The following NCOR2 variants were observed in gnomAD, a reference collection of about 807,000 sequenced individuals.
The protein encoded by NCOR2 is CTG repeat protein 26.
Under a neutral mutation model 262.9 loss-of-function variants are expected in NCOR2, and 81 were observed. That is an observed-to-expected ratio of 0.31 (90% confidence interval 0.26 to 0.37). The LOEUF is 0.37. NCOR2 is among the 10% of genes least tolerant of loss of function. The pLI, the probability that NCOR2 is intolerant of heterozygous loss-of-function variation, is 1.00. For synonymous variants in NCOR2, 1,659 were observed against 1,559.3 expected, an observed-to-expected ratio of 1.06 and a Z score of -1.51; for missense variants, 3,385 against 3,621.4, an observed-to-expected ratio of 0.93 and a Z score of 1.68.
intron 17 of NCOR2, among the ~76,000 whole-genome samples, chr12:124,382,013 C>T (rs1404308047): frequency 1.3e-5 from 2 of 152,200 alleles, no homozygotes; most frequent in Non-Finnish European, 2.9e-5. Flanking sequence ...GGAGGGGACA[C>T]CCACTGACCC....
At chr12:124,469,274 G>T (rs1220648462) in intron 4 of NCOR2, among the ~76,000 whole-genome samples, 1 of 152,110 alleles carries the variant, frequency 6.6e-6, no homozygotes, top group East Asian at 1.9e-4. Context: ...ACCCAGAAAG[G>T]TGCCCAAGAA....
rs201715042 is a variant in NCOR2, at chr12:124,400,624, C to T, written c.1690G>A (p.Val564Met). 3.3e-4 allele frequency: 539 copies of T among 1,614,064 alleles called. No homozygotes were observed. Among genetic ancestry groups the T allele is most frequent in the Non-Finnish European group, 4.2e-4 (495 of 1,180,056 alleles). ...GCAGTTTTGCGGCCTTTGGAGGCCA[C>T]AGCCTCCTTCTCGTCGTTGTCCTCC... The change falls in exon 15 of 47, where the codon GTG becomes ATG. Residue 564 changes from valine to methionine, a missense_variant. Physicochemically the swap from Val to Met is conservative, Grantham distance 21. Coordinates refer to ENST00000405201, the Ensembl canonical transcript of NCOR2.
At chr12:124,333,433 A>G (rs766217367) in intron 41 of NCOR2, among the ~76,000 whole-genome samples, 154 bp from the exon 44 acceptor site, 21 of 152,150 alleles carry the variant, frequency 1.4e-4, no homozygotes, top group Non-Finnish European at 2.6e-4. Context: ...AATCTCTGGC[A>G]TGTATCGTTA....
At chr12:124,462,673 C>A (rs925763301) in intron 5 of NCOR2, among the ~76,000 whole-genome samples, 1 of 152,352 alleles carries the variant, frequency 6.6e-6, no homozygotes, top group African/African-American at 2.4e-5. Flanking sequence ...GGGTCTGAAG[C>A]ACTGCTCTGA....
intron 8 of NCOR2, among the ~76,000 whole-genome samples, chr12:124,433,517 G>T (rs2044105472): frequency 6.6e-6 from 1 of 152,208 alleles, no homozygotes; most frequent in Non-Finnish European, 1.5e-5. Flanking sequence ...CCCTCGTGGA[G>T]TGCACGGGTG....
chr12:124,355,783 C>T (rs1438263872), intron 23 of NCOR2, among the ~76,000 whole-genome samples: 2 of 152,166 alleles, frequency 1.3e-5, no homozygotes, highest in African/African-American at 4.8e-5. Context: ...CCCACCTCAC[C>T]CACTGCCCAG....
intron 4 of NCOR2, among the ~76,000 whole-genome samples, chr12:124,468,345 A>C (rs1440719241): frequency 2.5e-4 from 8 of 31,594 alleles, no homozygotes; most frequent in South Asian, 1.7e-3. Flanking sequence ...CATCCTCCTC[A>C]CCCCCATCAT....
rs1407314559 is a variant in NCOR2, at chr12:124,517,278, A to G, written c.-118+18287T>C. On this transcript the variant is annotated intron_variant, in intron 1 of 46. Transcript: ENST00000404621. This position sits in a 1 kb window ranked among gnomAD's most constrained non-coding sequence, Gnocchi z 7.6. ...CCCCTCCCTTCCCCAGCCTGGGCTC[A>G]GAGGTCCCCAGGAGCCATTCCCGCC... 2.0e-5 allele frequency among the ~76,000 whole-genome samples: 3 copies of G among 152,134 alleles called. No homozygotes were observed. Among genetic ancestry groups the G allele is most frequent in the Non-Finnish European group, 4.4e-5 (3 of 68,012 alleles).
At chr12:124,376,173 A>G (rs2039978327) in intron 18 of NCOR2, among the ~76,000 whole-genome samples, 1 of 151,528 alleles carries the variant, frequency 6.6e-6, no homozygotes, top group South Asian at 2.1e-4. Context: ...CTGATCTCTC[A>G]GAGCAGCCAC....
chr12:124,497,708 C>T (rs958520596), upstream of NCOR2, among the ~76,000 whole-genome samples: 4 of 152,208 alleles, frequency 2.6e-5, no homozygotes, highest in South Asian at 2.1e-4. The surrounding 1 kb of genome is among the most constrained non-coding windows in gnomAD (Gnocchi z 4.2). Flanking sequence ...GGCCGGGTGG[C>T]GGACAGCAGG....
intron 1 of NCOR2, chr12:124,530,126 T>C (rs765082790): frequency 6.6e-6 from 1 of 152,108 alleles, no homozygotes; most frequent in Non-Finnish European, 1.5e-5. Flanking sequence ...TACTTAGCCA[T>C]GAGAAAGAAT....
chr12:124,478,586 C>A (rs1029306558), intron 3 of NCOR2, among the ~76,000 whole-genome samples: 1 of 152,116 alleles, frequency 6.6e-6, no homozygotes, highest in Non-Finnish European at 1.5e-5. Context: ...CTCTCCCAGG[C>A]ATCTTCCCTT....
intron 1 of NCOR2, among the ~76,000 whole-genome samples, chr12:124,494,820 G>A (rs781060671): frequency 2.0e-5 from 3 of 152,210 alleles, no homozygotes; most frequent in Admixed American, 6.5e-5. Context: ...GGGAGCAGAG[G>A]TGAGGCTAGG....
chr12:124,433,900 GCACA>G (rs201254802), intron 8 of NCOR2, among the ~76,000 whole-genome samples: 8,887 of 131,030 alleles, frequency 0.068, 1,675 homozygotes, highest in African/African-American at 0.21. Flanking sequence ...ACACACACAC[GCACA>G]CACACACACA....
chr12:124,514,007 G>A (rs2137037541), intron 1 of NCOR2: 1 of 152,276 alleles, frequency 6.6e-6, no homozygotes, highest in East Asian at 1.9e-4. Context: ...TGTCTCCTAA[G>A]TGCCTGCTAC....
chr12:124,544,752 C>T (rs569361373), intron 1 of NCOR2, among the ~76,000 whole-genome samples: 1 of 152,196 alleles, frequency 6.6e-6, no homozygotes, highest in Non-Finnish European at 1.5e-5. Context: ...CAGCCAGGCA[C>T]AAGTGGGGCT....
At chr12:124,430,877 C>T in intron 8 of NCOR2, 90 bp from the exon 11 acceptor site, 2 of 1,467,640 alleles carry the variant, frequency 1.4e-6, no homozygotes, top group Non-Finnish European at 1.8e-6. Context: ...GGCAGACACA[C>T]AGGTGCGTGC....
At chr12:124,372,747 G>C (rs1109270) in intron 19 of NCOR2, 137 bp from the exon 22 acceptor site, 5 of 742,828 alleles carry the variant, frequency 6.7e-6, no homozygotes, top group Non-Finnish European at 4.3e-6. Context: ...ACACACCTGG[G>C]CTGCTGCCTA....
At chr12:124,465,513 A>G (rs562075488) in intron 5 of NCOR2, among the ~76,000 whole-genome samples, 2 of 152,164 alleles carry the variant, frequency 1.3e-5, no homozygotes, top group South Asian at 4.2e-4. Context: ...AGCTGCCCCC[A>G]GTGGGATCTC....
Sources: gnomAD v4.1 joint callset for allele counts (sites outside exome capture counted in the v4.1 genomes callset) on GRCh38, gnomAD v4.1.1 for gene constraint, Gnocchi (gnomAD v3.1) non-coding constraint, MANE v1.5 for transcripts, NCBI Gene and HGNC (gene_info 2026-07-23, HGNC 2026-07-21) for gene names.